The following HMGA2 variants were observed in gnomAD, a reference collection of about 807,000 sequenced individuals.
HMGA2 encodes high mobility group protein HMGI-C.
In HMGA2, 8 loss-of-function variants were observed where a neutral mutation model predicts 19.1. The ratio of observed to expected loss-of-function variants is 0.42; its 90% CI spans 0.25 to 0.76. The LOEUF (loss-of-function observed/expected upper bound fraction) is 0.76. Among genes scored for constraint, HMGA2 ranks in the 30% least tolerant of loss-of-function variants. The pLI is 0.28. For synonymous variants in HMGA2, 60 were observed against 48.8 expected (o/e 1.23, Z -0.96); for missense variants, 109 against 136.3 (o/e 0.80, Z 1.00).
intron 3 of HMGA2, among the ~76,000 whole-genome samples, chr12:65,886,728 G>T (rs1873674911): frequency 6.6e-6 from 1 of 152,080 alleles, no homozygotes; most frequent in African/African-American, 2.4e-5. Context: ...ACAACACAGA[G>T]GTGTTCGAGG....
intron 3 of HMGA2, among the ~76,000 whole-genome samples, chr12:65,912,598 A>T (rs1396814764): frequency 3.3e-5 from 5 of 152,208 alleles, no homozygotes; most frequent in African/African-American, 2.4e-5. Flanking sequence ...TTTAGCAGTT[A>T]TAAGTGATTC....
intron 2 of HMGA2, among the ~76,000 whole-genome samples, chr12:65,832,862 T>C (rs1277103173): frequency 1.3e-5 from 2 of 152,068 alleles, no homozygotes; most frequent in Non-Finnish European, 1.5e-5. Context: ...TCAATAGCAA[T>C]GATCTCTTGT....
intron 3 of HMGA2, chr12:65,843,025 A>C: frequency 3.2e-6 from 1 of 315,334 alleles, no homozygotes; most frequent in Non-Finnish European, 5.2e-6. Flanking sequence ...GGAACAAGTG[A>C]TACTTTTAGG....
intron 3 of HMGA2, among the ~76,000 whole-genome samples, chr12:65,919,268 G>T (rs1441605561): frequency 2.0e-5 from 3 of 152,142 alleles, no homozygotes; most frequent in Admixed American, 2.0e-4. Flanking sequence ...TGGCATTTTG[G>T]TGTACTTGTT....
At chr12:65,961,739 GT>G (rs1876757397) in intron 4 of HMGA2, among the ~76,000 whole-genome samples, 2 of 95,524 alleles carry the variant, frequency 2.1e-5, no homozygotes, top group Non-Finnish European at 4.7e-5. Flanking sequence ...CCAGGATAGA[GT>G]GTGTGTGTGT....
chr12:65,838,972 TTTTC>T (rs1367130796), intron 3 of HMGA2, among the ~76,000 whole-genome samples: 1 of 150,762 alleles, frequency 6.6e-6, no homozygotes, highest in African/African-American at 2.5e-5. Flanking sequence ...CGTTTTTCTT[TTTTC>T]TTTTTCTTTC....
At chr12:65,867,365 A>T (rs544246322) in intron 3 of HMGA2, 23 of 345,504 alleles carry the variant, frequency 6.7e-5, no homozygotes, top group African/African-American at 3.6e-4. Context: ...AGGAAGGGGA[A>T]CTTCTAGGAA....
At chr12:65,915,937 C>T (rs1345139150) in intron 3 of HMGA2, among the ~76,000 whole-genome samples, 1 of 152,164 alleles carries the variant, frequency 6.6e-6, no homozygotes, top group African/African-American at 2.4e-5. Flanking sequence ...ATCCAAATGA[C>T]CTAACCCAGG....
chr12:65,865,864 G>C (rs943551090), intron 3 of HMGA2, among the ~76,000 whole-genome samples: 1 of 151,198 alleles, frequency 6.6e-6, no homozygotes, highest in African/African-American at 2.4e-5. Flanking sequence ...GGATGGTGTC[G>C]ATCTCCTGAC....
intron 4 of HMGA2, chr12:65,952,222 A>C: frequency 1.6e-6 from 1 of 643,870 alleles, no homozygotes; most frequent in Non-Finnish European, 2.7e-6. Context: ...ATCATGCTGA[A>C]CCTGCTAAAA....
intron 3 of HMGA2, among the ~76,000 whole-genome samples, chr12:65,946,689 A>T (rs1248284002): frequency 6.6e-6 from 1 of 152,130 alleles, no homozygotes; most frequent in Non-Finnish European, 1.5e-5. Flanking sequence ...GGAACCATAG[A>T]TTGTATTCTT....
intron 3 of HMGA2, among the ~76,000 whole-genome samples, chr12:65,845,709 C>T (rs977081728): frequency 1.3e-5 from 2 of 152,162 alleles, no homozygotes; most frequent in African/African-American, 4.8e-5. Flanking sequence ...AGGACCTCTG[C>T]GTTTTGATGG....
intron 3 of HMGA2, among the ~76,000 whole-genome samples, chr12:65,875,576 A>C (rs12818225): frequency 2.1e-5 from 2 of 97,042 alleles, no homozygotes; most frequent in African/African-American, 3.4e-5. Flanking sequence ...GGCATATGCC[A>C]CCGTGCCCGG....
At chr12:65,924,200 G>A (rs2121249067) in intron 3 of HMGA2, among the ~76,000 whole-genome samples, 1 of 152,204 alleles carries the variant, frequency 6.6e-6, no homozygotes, top group South Asian at 2.1e-4. Context: ...TCTTCTTCAT[G>A]TTATTGAAGC....
At chr12:65,912,252 T>C (rs78608132) in intron 3 of HMGA2, among the ~76,000 whole-genome samples, 3 of 152,204 alleles carry the variant, frequency 2.0e-5, no homozygotes, top group African/African-American at 7.2e-5. Flanking sequence ...AAAGTGAACT[T>C]GATATATTTT....
intron 3 of HMGA2, among the ~76,000 whole-genome samples, chr12:65,839,637 G>T (rs190359745): frequency 9.3e-4 from 141 of 152,148 alleles, no homozygotes; most frequent in Middle Eastern, 3.4e-3. Flanking sequence ...AGATTTCTTA[G>T]CATAAGGAAA....
chr12:65,900,629 G>A (rs1265480783), intron 3 of HMGA2, among the ~76,000 whole-genome samples: 1 of 152,214 alleles, frequency 6.6e-6, no homozygotes, highest in Non-Finnish European at 1.5e-5. Flanking sequence ...AGCGGGGTAT[G>A]GAGACCACAG....
chr12:65,945,346 C>T (rs1020883475), intron 3 of HMGA2, among the ~76,000 whole-genome samples: 19 of 152,026 alleles, frequency 1.2e-4, no homozygotes, highest in Non-Finnish European at 4.4e-5. Flanking sequence ...AAACTAAATC[C>T]GGAGGGCCAT....
At chr12:65,849,362 A>G (rs1447720331) in intron 3 of HMGA2, among the ~76,000 whole-genome samples, 1 of 152,182 alleles carries the variant, frequency 6.6e-6, no homozygotes, top group African/African-American at 2.4e-5. Flanking sequence ...TGAGAGATGG[A>G]CATTCTTGGC....
Sources: gnomAD v4.1 joint callset for allele counts (sites outside exome capture counted in the v4.1 genomes callset) on GRCh38, gnomAD v4.1.1 for gene constraint, MANE v1.5 for transcripts, NCBI Gene and HGNC (gene_info 2026-07-23, HGNC 2026-07-21) for gene names.